PCDHGA5: variants seen among roughly 807,000 people sequenced by gnomAD.
PCDHGA5 encodes the protein protocadherin gamma-A5.
In PCDHGA5, 36 loss-of-function variants were observed where a neutral mutation model predicts 56.7. The ratio of observed to expected loss-of-function variants is 0.64; its 90% CI spans 0.49 to 0.84. PCDHGA5 has a LOEUF of 0.84. PCDHGA5 is among the 40% of genes least tolerant of loss of function. The pLI, the probability that PCDHGA5 is intolerant of heterozygous loss-of-function variation, is 0.00. For missense variants in PCDHGA5, 1,305 were observed against 1,201.5 expected (o/e 1.09, Z -1.27); for synonymous variants, 563 against 520.2 (o/e 1.08, Z -1.12).
intron 1 of PCDHGA5, among the ~76,000 whole-genome samples, chr5:141,455,830 C>T (rs928219545): frequency 2.0e-5 from 3 of 151,170 alleles, no homozygotes; most frequent in African/African-American, 7.3e-5. Flanking sequence ...GACCCCTTTT[C>T]CTGTCTATCT....
chr5:141,384,598 C>T lies in PCDHGA5; in HGVS notation c.2421+17847C>T, dbSNP rs1451402043. On this transcript the variant is annotated intron_variant, in intron 1 of 3. Transcript: ENST00000518069. ...CCCGCCCGAGATCCTGTACCCGGCCCTCCCCACAGATGGTTCTACTGGCAT... is the reference window on the plus strand; with the variant it reads ...CCCGCCCGAGATCCTGTACCCGGCCTTCCCCACAGATGGTTCTACTGGCAT... 2.5e-6 allele frequency: 4 copies of T among 1,614,138 alleles called. No individual in the cohort carries two copies. The African/African-American group carries it at 5.3e-5, about 22-fold the overall frequency.
chr5:141,418,079 C>A, intron 1 of PCDHGA5: 1 of 1,614,048 alleles, frequency 6.2e-7, no homozygotes, highest in Non-Finnish European at 8.5e-7. Context: ...GGAGAAGCTG[C>A]ACTTCAGCGT....
chr5:141,397,978 C>T (rs2093593315), intron 1 of PCDHGA5: 3 of 1,261,604 alleles, frequency 2.4e-6, no homozygotes, highest in Admixed American at 2.8e-5. Flanking sequence ...CAGCGCCGGC[C>T]TTTACACCGC....
At chr5:141,409,030 G>C (rs377547144) in intron 1 of PCDHGA5, 2 of 1,614,010 alleles carry the variant, frequency 1.2e-6, no homozygotes, top group South Asian at 2.2e-5. Context: ...TCAATGCTGA[G>C]ATAAACTACT....
At chr5:141,384,528 C>T in intron 1 of PCDHGA5, 2 of 1,614,254 alleles carry the variant, frequency 1.2e-6, no homozygotes, top group Non-Finnish European at 1.7e-6. Context: ...CGCCTCTCAG[C>T]AGCAACATGT....
chr5:141,369,505 GA>G (rs1379316544), intron 1 of PCDHGA5, among the ~76,000 whole-genome samples: 2 of 150,654 alleles, frequency 1.3e-5, no homozygotes, highest in Non-Finnish European at 1.5e-5. Flanking sequence ...CACCTCTATA[GA>G]AAAAAAAAGT....
chr5:141,371,120 T>C, intron 1 of PCDHGA5: 1 of 1,613,974 alleles, frequency 6.2e-7, no homozygotes, highest in Non-Finnish European at 8.5e-7. Flanking sequence ...CCCCAGTATT[T>C]ACTCAGGACA....
intron 1 of PCDHGA5, among the ~76,000 whole-genome samples, chr5:141,437,339 T>A (rs1008090968): frequency 3.3e-5 from 5 of 152,262 alleles, no homozygotes; most frequent in Non-Finnish European, 7.3e-5. Context: ...GTAGCTTCAC[T>A]GTTTTATAGT....
chr5:141,370,737 A>T, intron 1 of PCDHGA5: 2 of 1,613,928 alleles, frequency 1.2e-6, no homozygotes, highest in Non-Finnish European at 1.7e-6. Flanking sequence ...AAAGCCTTTA[A>T]ACTTTTTTCA....
intron 1 of PCDHGA5, chr5:141,422,419 A>G (rs1318381358): frequency 8.7e-6 from 14 of 1,607,158 alleles, no homozygotes; most frequent in Non-Finnish European, 1.2e-5. Context: ...ATTAGAAAAG[A>G]CTTATGGAAA....
At chr5:141,430,751 A>G in intron 1 of PCDHGA5, 1 of 1,496,066 alleles carries the variant, frequency 6.7e-7, no homozygotes, top group Non-Finnish European at 8.9e-7. Context: ...ATTCTGGAGG[A>G]AGATAAGAAT....
intron 1 of PCDHGA5, among the ~76,000 whole-genome samples, chr5:141,474,234 T>C (rs1458919904): frequency 6.6e-6 from 1 of 152,204 alleles, no homozygotes; most frequent in Non-Finnish European, 1.5e-5. Flanking sequence ...TAAGTGATGC[T>C]GAATAGGGGA....
Position 141,491,306 on chromosome 5 carries a change from A to G in PCDHGA5, c.2422-3501A>G. ...CTCATACACCCTCCTGAGCGTTCAGACCTTACCCTTTACCTCATTGTGGCT... is the reference window on the plus strand; with the variant it reads ...CTCATACACCCTCCTGAGCGTTCAGGCCTTACCCTTTACCTCATTGTGGCT... On this transcript the variant is annotated intron_variant, in intron 1 of 3. Coordinates refer to ENST00000518069, the MANE Select transcript of PCDHGA5 (RefSeq NM_018918.3). This position sits in a 1 kb window ranked among gnomAD's most constrained non-coding sequence, Gnocchi z 6.9. 1 of 1,614,032 alleles carries G rather than the reference A, an allele frequency of 6.2e-7. No individual in the cohort carries two copies. The highest frequency in any genetic ancestry group is 2.2e-5 in the East Asian group (1 of 44,872).
intron 1 of PCDHGA5, chr5:141,399,490 G>A (rs750081604): frequency 1.1e-5 from 17 of 1,614,036 alleles, no homozygotes; most frequent in Non-Finnish European, 1.4e-5. Flanking sequence ...GTCCTACTTA[G>A]TCAGTGTACC....
chr5:141,488,480 C>A (rs935896624), intron 1 of PCDHGA5, among the ~76,000 whole-genome samples: 6 of 152,298 alleles, frequency 3.9e-5, no homozygotes, highest in African/African-American at 1.4e-4. Flanking sequence ...GTTCCCCTAC[C>A]CAAAAACTGT....
At chr5:141,389,883 C>A in intron 1 of PCDHGA5, 1 of 1,614,084 alleles carries the variant, frequency 6.2e-7, no homozygotes. Context: ...CGACAGCTTG[C>A]AGGAGGTGCT....
chr5:141,383,352 G>T lies in PCDHGA5; in HGVS notation c.2421+16601G>T, dbSNP rs115561507. On this transcript the variant is annotated intron_variant, in intron 1 of 3. Coordinates refer to ENST00000518069, the MANE Select transcript of PCDHGA5 (RefSeq NM_018918.3). ...TGGAGAATACAGCTCCTGGGGTTCG[G>T]TTTCCGTTAAGCGAGGCTGGGGATC... The T allele has an allele frequency of 9.3e-4, 1,504 of 1,614,018 alleles. 9 individuals carry two copies. In the African/African-American group the frequency reaches 0.016, roughly 17 times the overall value.
intron 1 of PCDHGA5, among the ~76,000 whole-genome samples, chr5:141,466,351 A>G (rs897901821): frequency 6.6e-6 from 1 of 152,050 alleles, no homozygotes; most frequent in African/African-American, 2.4e-5. Context: ...TTTTGCAGCT[A>G]ATCTAGATGT....
chr5:141,427,937 C>T, intron 1 of PCDHGA5: 1 of 1,584,566 alleles, frequency 6.3e-7, no homozygotes, highest in African/African-American at 1.3e-5. Flanking sequence ...TGTTGGTGGG[C>T]GACCTCAATG....
Sources: allele counts gnomAD v4.1 joint callset (sites outside exome capture counted in the v4.1 genomes callset), GRCh38; gene constraint gnomAD v4.1.1; non-coding constraint Gnocchi (gnomAD v3.1); transcripts MANE v1.5; gene names NCBI Gene and HGNC (gene_info 2026-07-23, HGNC 2026-07-21).